Variants in OR2A5 observed in about 807,000 individuals in gnomAD.
OR2A5 encodes olfactory receptor 2A5.
In OR2A5, 2 loss-of-function variants were observed where a neutral mutation model predicts 1.9. The ratio of observed to expected loss-of-function variants is 1.04; its 90% confidence interval spans 0.43 to 3.28. The LOEUF is 3.28. OR2A5 is among the 30% of genes most tolerant of loss of function. OR2A5 has a pLI of 0.08. For synonymous variants in OR2A5, 160 were observed against 154.5 expected, an observed-to-expected ratio of 1.04 and a Z score of -0.26; for missense variants, 391 against 375.9, an observed-to-expected ratio of 1.04 and a Z score of -0.33.
chr7:144,058,183 C>T lies in OR2A5; in HGVS notation c.*6846C>T, dbSNP rs2050955056. 6.6e-6 allele frequency: 1 copy of T among 152,208 alleles called. No homozygotes were observed. Among genetic ancestry groups the T allele is most frequent in the African/African-American group, 2.4e-5 (1 of 41,440 alleles). The allele number at this position is 152,208 out of a possible 1,614,324, so 9.4% of individuals were successfully genotyped here. The stretch of plus-strand genomic sequence containing the variant: ...TGGTCAGCTCAGCGGCTATCCCGAC[C>T]TGCTGCCTGACTCCCATAATCTTCA... On this transcript the variant is annotated 3_prime_UTR_variant, in exon 2 of 2. Coordinates refer to ENST00000641693, the MANE Select transcript of OR2A5 (RefSeq NM_012365.2).
chr7:144,052,039 T>C lies in OR2A5; in HGVS notation c.*702T>C, dbSNP rs2050911035. ...TATGAGAGAATGTTATTAGGGATAG[T>C]TACCTTTTTCATAATTCAGATCGCA... On this transcript the variant is annotated 3_prime_UTR_variant, in exon 2 of 2. Coordinates refer to ENST00000641693, the MANE Select transcript of OR2A5 (RefSeq NM_012365.2). The C allele has an allele frequency of 6.6e-6, 1 of 152,204 alleles. No individual in the cohort carries two copies. Among genetic ancestry groups the C allele is most frequent in the East Asian group, 1.9e-4 (1 of 5,206 alleles). 9.4% of individuals were successfully genotyped at this position (152,204 alleles called of 1,614,324 possible). A position where few individuals can be genotyped will look rare whatever the true frequency, so the allele number is the denominator to read the frequency against.
In OR2A5 at chr7:144,051,698, T is replaced by C. The variant is rs1230924551; in HGVS notation, c.*361T>C. ...TATATGCTGGTAATCCCATACCATA[T>C]GCTACTATAAGAGAGTACTTGTAAT... On this transcript the variant is annotated 3_prime_UTR_variant, in exon 2 of 2. Coordinates refer to ENST00000641693, the MANE Select transcript of OR2A5 (RefSeq NM_012365.2). 2 of 226,436 alleles carry C rather than the reference T, an allele frequency of 8.8e-6. No individual in the cohort carries two copies. The highest frequency in any genetic ancestry group is 2.3e-5 in the African/African-American group (1 of 43,784). The allele number at this position is 226,436 out of a possible 1,614,324, so 14.0% of individuals were successfully genotyped here.
chr7:144,050,382 G>C lies in OR2A5; in HGVS notation c.-20G>C. On this transcript the variant is annotated 5_prime_UTR_variant, in exon 2 of 2. Transcript: ENST00000641693. Reference sequence around the variant, plus strand: ...GCTCATTGCCACAGCAGAGTCCAACGCAGGTACTGTCACAAGGGCATGACA... The same window carrying C: ...GCTCATTGCCACAGCAGAGTCCAACCCAGGTACTGTCACAAGGGCATGACA... 6.8e-7 allele frequency: 1 copy of C among 1,479,166 alleles called. No homozygotes were observed. The highest frequency in any genetic ancestry group is 9.1e-7 in the Non-Finnish European group (1 of 1,104,830). The allele number at this position is 1,479,166 out of a possible 1,614,324, so 91.6% of individuals were successfully genotyped here. A position where few individuals can be genotyped will look rare whatever the true frequency, so the allele number is the denominator to read the frequency against.
Position 144,056,582 on chromosome 7 carries a change from A to G in OR2A5, c.*5245A>G, listed in dbSNP as rs2050940810. On this transcript the variant is annotated 3_prime_UTR_variant, in exon 2 of 2. Coordinates refer to ENST00000641693, the MANE Select transcript of OR2A5 (RefSeq NM_012365.2). Reference sequence around the variant, plus strand: ...AGCCCAAAATATCAACAACTGGAAAATAAATTCACTTCTGATGATGTCCCT... The same window carrying G: ...AGCCCAAAATATCAACAACTGGAAAGTAAATTCACTTCTGATGATGTCCCT... 6.6e-6 allele frequency: 1 copy of G among 152,230 alleles called. No homozygotes were observed. Among genetic ancestry groups the G allele is most frequent in the African/African-American group, 2.4e-5 (1 of 41,462 alleles). 9.4% of individuals were successfully genotyped at this position (152,230 alleles called of 1,614,324 possible). A position where few individuals can be genotyped will look rare whatever the true frequency, so the allele number is the denominator to read the frequency against.
rs770379146 is a variant in OR2A5, at chr7:144,050,581, C to T, written c.180C>T (p.Phe60=). 3 of 1,610,498 alleles carry T rather than the reference C, an allele frequency of 1.9e-6. No individual in the cohort carries two copies. In the African/African-American group the frequency reaches 4.0e-5, roughly 21 times the overall value. The change falls in exon 2 of 2, where the codon TTC becomes TTT. Residue 60 remains phenylalanine, a synonymous_variant. Coordinates refer to ENST00000641693, the MANE Select transcript of OR2A5 (RefSeq NM_012365.2). ...LDSRLHTPMY[F]FLSHLAIIDI... ...CCAGACTGCACACCCCCATGTACTT[C>T]TTTCTCTCACACCTGGCCATCATTG...
At chr7:144,050,104 T>C (rs2050889218) in intron 1 of OR2A5, among the ~76,000 whole-genome samples, 1 of 152,228 alleles carries the variant, frequency 6.6e-6, no homozygotes, top group South Asian at 2.1e-4. Flanking sequence ...GCTGCCCTTC[T>C]GATAGCAAAA....
Position 144,054,225 on chromosome 7 carries a change from A to G in OR2A5, c.*2888A>G, listed in dbSNP as rs944899281. 1 of 152,230 alleles carries G rather than the reference A, an allele frequency of 6.6e-6. No homozygotes were observed. Among genetic ancestry groups the G allele is most frequent in the Admixed American group, 6.5e-5 (1 of 15,280 alleles). The allele number at this position is 152,230 out of a possible 1,614,324, so 9.4% of individuals were successfully genotyped here. ...CAACTTGCTAAATAGGTCTGCTTCT[A>G]GGAATAATATAGCCTCCTCAATCCT... On this transcript the variant is annotated 3_prime_UTR_variant, in exon 2 of 2. Coordinates refer to ENST00000641693, the MANE Select transcript of OR2A5 (RefSeq NM_012365.2).
Position 144,053,578 on chromosome 7 carries a change from T to C in OR2A5, c.*2241T>C, listed in dbSNP as rs1169958311. The C allele has an allele frequency of 1.3e-5, 2 of 151,782 alleles. No homozygotes were observed. Among genetic ancestry groups the C allele is most frequent in the Admixed American group, 1.3e-4 (2 of 15,228 alleles). The allele number at this position is 151,782 out of a possible 1,614,324, so 9.4% of individuals were successfully genotyped here. Reference sequence around the variant, plus strand: ...TGATTTAATAACTTATCCTATACTATGCAACCAGTAATAGAACTGAGTGTT... The same window carrying C: ...TGATTTAATAACTTATCCTATACTACGCAACCAGTAATAGAACTGAGTGTT... On this transcript the variant is annotated 3_prime_UTR_variant, in exon 2 of 2. Transcript: ENST00000641693.
Position 144,051,541 on chromosome 7 carries a change from G to A in OR2A5, c.*204G>A. The A allele has an allele frequency of 1.9e-6, 1 of 535,500 alleles. No homozygotes were observed. The highest frequency in any genetic ancestry group is 3.3e-6 in the Non-Finnish European group (1 of 306,490). The allele number at this position is 535,500 out of a possible 1,614,324, so 33.2% of individuals were successfully genotyped here. A position where few individuals can be genotyped will look rare whatever the true frequency, so the allele number is the denominator to read the frequency against. On this transcript the variant is annotated 3_prime_UTR_variant, in exon 2 of 2. Transcript: ENST00000641693. ...CGCTGAGCCGTGTGGTGCAGCAGAGGTGCAAAGTGCCATGAACTCCTACTC... is the reference window on the plus strand; with the variant it reads ...CGCTGAGCCGTGTGGTGCAGCAGAGATGCAAAGTGCCATGAACTCCTACTC...
chr7:144,050,835 C>T lies in OR2A5; in HGVS notation c.434C>T (p.Ala145Val). Residue 145 changes from alanine to valine, a missense_variant, in exon 2 of 2, where the codon GCT becomes GTT. Coordinates refer to ENST00000641693, the MANE Select transcript of OR2A5 (RefSeq NM_012365.2). Reference sequence around the variant, plus strand: ...AGATGGGGAGTGTGCACAGTCCTGGCTGTCACTTCTTGGGCATGTGGTTCC... The same window carrying T: ...AGATGGGGAGTGTGCACAGTCCTGGTTGTCACTTCTTGGGCATGTGGTTCC... ...IMRWGVCTVLAVTSWACGSLL... is the reference protein window; with the variant it reads ...IMRWGVCTVLVVTSWACGSLL... 1 of 1,614,182 alleles carries T rather than the reference C, an allele frequency of 6.2e-7. No individual in the cohort carries two copies. Among genetic ancestry groups the T allele is most frequent in the African/African-American group, 1.3e-5 (1 of 75,048 alleles).
chr7:144,053,618 T>C lies in OR2A5; in HGVS notation c.*2281T>C, dbSNP rs899412091. The C allele has an allele frequency of 6.6e-6, 1 of 152,222 alleles. No individual in the cohort carries two copies. The highest frequency in any genetic ancestry group is 1.5e-5 in the Non-Finnish European group (1 of 68,040). 9.4% of individuals were successfully genotyped at this position (152,222 alleles called of 1,614,324 possible). A position where few individuals can be genotyped will look rare whatever the true frequency, so the allele number is the denominator to read the frequency against. ...AACTGAGTGTTATGGATCGTACTGA[T>C]TGCAAACCCAAGCTGCTTCTTAGCA... On this transcript the variant is annotated 3_prime_UTR_variant, in exon 2 of 2. Transcript: ENST00000641693.
chr7:144,050,062 G>T (rs183689651), intron 1 of OR2A5, among the ~76,000 whole-genome samples: 1 of 152,254 alleles, frequency 6.6e-6, no homozygotes, highest in East Asian at 1.9e-4. Flanking sequence ...AAATAAAATG[G>T]CTAGCCATTC....
rs373980993 is a variant in OR2A5 at position 144,050,504 on chromosome 7, G to A, written c.103G>A (p.Val35Ile). 70 of 1,605,430 alleles carry A rather than the reference G, an allele frequency of 4.4e-5. No homozygotes were observed. The highest frequency in any genetic ancestry group is 5.5e-5 in the Non-Finnish European group (65 of 1,175,656). Reference protein sequence around the residue: ...LLSGLFSLLYVFTLLGNGAIL... With the variant: ...LLSGLFSLLYIFTLLGNGAIL... ...CTCTGGGCTTTTCTCCCTGTTATAC[G>A]TCTTCACCCTGCTGGGAAATGGGGC... The change falls in exon 2 of 2, where the codon GTC becomes ATC. Residue 35 changes from valine (V) to isoleucine (I), a missense_variant. By Grantham distance (29) the Val-to-Ile change is conservative. Coordinates refer to ENST00000641693, the MANE Select transcript of OR2A5 (RefSeq NM_012365.2).
In OR2A5 at chr7:144,054,158, C is replaced by T. The variant is rs1390162028; in HGVS notation, c.*2821C>T. The T allele has an allele frequency of 6.6e-6, 1 of 152,282 alleles. No homozygotes were observed. The highest frequency in any genetic ancestry group is 1.5e-5 in the Non-Finnish European group (1 of 68,080). 9.4% of individuals were successfully genotyped at this position (152,282 alleles called of 1,614,324 possible). On this transcript the variant is annotated 3_prime_UTR_variant, in exon 2 of 2. Coordinates refer to ENST00000641693, the MANE Select transcript of OR2A5 (RefSeq NM_012365.2). ...AGGGGGAACCCAGCACAGGTGCAAG[C>T]TGAGATGCTTGCTATGTTAGATTCA... is the stretch of plus-strand genomic sequence containing the variant.
rs1336850717 is a variant in OR2A5 at position 144,057,059 on chromosome 7, C to G, written c.*5722C>G. 1 of 151,968 alleles carries G rather than the reference C, an allele frequency of 6.6e-6. No individual in the cohort carries two copies. Among genetic ancestry groups the G allele is most frequent in the Non-Finnish European group, 1.5e-5 (1 of 67,996 alleles). 9.4% of individuals were successfully genotyped at this position (151,968 alleles called of 1,614,324 possible). On this transcript the variant is annotated 3_prime_UTR_variant, in exon 2 of 2. Coordinates refer to ENST00000641693, the MANE Select transcript of OR2A5 (RefSeq NM_012365.2). ...TCGATCTGCTGACCTCGTGATCCACCCACCTCGGCCTCCCAAAGTGCTGGG... is the reference window on the plus strand; with the variant it reads ...TCGATCTGCTGACCTCGTGATCCACGCACCTCGGCCTCCCAAAGTGCTGGG...
At position 144,055,525 on chromosome 7, in the gene OR2A5, T is replaced by A. The variant is rs2050932905; in HGVS notation, c.*4188T>A. On this transcript the variant is annotated 3_prime_UTR_variant, in exon 2 of 2. Coordinates refer to ENST00000641693, the MANE Select transcript of OR2A5 (RefSeq NM_012365.2). ...TTTTTAAATGGTAATTCTAAGATAATCTTTTTTCTGTCAAAATCCCGTCTT... is the reference window on the plus strand; with the variant it reads ...TTTTTAAATGGTAATTCTAAGATAAACTTTTTTCTGTCAAAATCCCGTCTT... 1 of 152,182 alleles carries A rather than the reference T, an allele frequency of 6.6e-6. No individual in the cohort carries two copies. Among genetic ancestry groups the A allele is most frequent in the Non-Finnish European group, 1.5e-5 (1 of 68,036 alleles). 9.4% of individuals were successfully genotyped at this position (152,182 alleles called of 1,614,324 possible). A position where few individuals can be genotyped will look rare whatever the true frequency, so the allele number is the denominator to read the frequency against.
Position 144,050,937 on chromosome 7 carries a change from G to A in OR2A5, c.536G>A (p.Cys179Tyr), listed in dbSNP as rs779222049. 5 of 1,614,080 alleles carry A rather than the reference G, an allele frequency of 3.1e-6. No homozygotes were observed. The highest frequency in any genetic ancestry group is 4.2e-6 in the Non-Finnish European group (5 of 1,180,036). ...CGPHEINHFF[C>Y]EILSVLKLAC... ...CCCCATGAAATCAACCACTTCTTCTGTGAAATCCTGTCTGTCCTCAAGTTG... is the reference window on the plus strand; with the variant it reads ...CCCCATGAAATCAACCACTTCTTCTATGAAATCCTGTCTGTCCTCAAGTTG... The change falls in exon 2 of 2, where the codon TGT becomes TAT. Residue 179 changes from cysteine to tyrosine, a missense_variant. Transcript: ENST00000641693.
At position 144,055,576 on chromosome 7, in the gene OR2A5, A is replaced by G. The variant is rs1334158120; in HGVS notation, c.*4239A>G. On this transcript the variant is annotated 3_prime_UTR_variant, in exon 2 of 2. Transcript: ENST00000641693. ...GTTCTTCCGAGGATTCAGCAGAGTC[A>G]TCAAAAGAAAATATTCAAGTAGGAA... is the stretch of plus-strand genomic sequence containing the variant. 6.6e-6 allele frequency: 1 copy of G among 152,202 alleles called. No homozygotes were observed. The highest frequency in any genetic ancestry group is 2.4e-5 in the African/African-American group (1 of 41,446). The allele number at this position is 152,202 out of a possible 1,614,324, so 9.4% of individuals were successfully genotyped here. A position where few individuals can be genotyped will look rare whatever the true frequency, so the allele number is the denominator to read the frequency against.
Position 144,051,108 on chromosome 7 carries a change from A to G in OR2A5, c.707A>G (p.Lys236Arg). ...LRIQSGEGRR[K>R]AFSTCSSHLC... ...ATCCAGTCTGGGGAGGGCCGCAGAA[A>G]GGCCTTCTCCACCTGCTCCTCCCAC... is the stretch of plus-strand genomic sequence containing the variant. The change falls in exon 2 of 2, where the codon AAG becomes AGG. Residue 236 changes from lysine (K) to arginine (R), a missense_variant. Transcript: ENST00000641693. The G allele has an allele frequency of 1.2e-6, 2 of 1,614,150 alleles. No individual in the cohort carries two copies. The highest frequency in any genetic ancestry group is 2.2e-5 in the South Asian group (2 of 91,074).
Sources: allele counts gnomAD v4.1 joint callset (sites outside exome capture counted in the v4.1 genomes callset), GRCh38; gene constraint gnomAD v4.1.1; transcripts MANE v1.5; gene names NCBI Gene and HGNC (gene_info 2026-07-23, HGNC 2026-07-21).